SEL1L3: variants seen among roughly 807,000 people sequenced by gnomAD.
The protein encoded by SEL1L3 is protein sel-1 homolog 3.
In SEL1L3, 76 loss-of-function variants were observed where a neutral mutation model predicts 142.8. The observed-to-expected ratio is 0.53, with a 90% CI of 0.44 to 0.64. The LOEUF (loss-of-function observed/expected upper bound fraction) is 0.64, where lower values mean the gene tolerates loss of function less well. Among genes scored for constraint, SEL1L3 ranks in the 30% least tolerant of loss-of-function variants. SEL1L3 has a pLI of 0.00. For synonymous variants in SEL1L3, 504 were observed against 519.6 expected (o/e 0.97, Z 0.41); for missense variants, 1,262 against 1,381.7 (o/e 0.91, Z 1.37).
At chr4:25,821,872 TCTGATGA>T in intron 7 of SEL1L3, 117 bp downstream of exon 7, 3 of 971,728 alleles carry the variant, frequency 3.1e-6, no homozygotes, top group Non-Finnish European at 4.5e-6. Context: ...ATTAATGATG[TCTGATGA>T]CAGAGGCGAT....
chr4:25,801,917 G>A (rs917648746), intron 11 of SEL1L3, among the ~76,000 whole-genome samples: 5 of 152,250 alleles, frequency 3.3e-5, no homozygotes, highest in African/African-American at 7.2e-5. Context: ...ATTTGACCCA[G>A]TCCCACCTAA....
intron 12 of SEL1L3, among the ~76,000 whole-genome samples, chr4:25,789,755 TC>T (rs1471948443): frequency 6.6e-6 from 1 of 151,992 alleles, no homozygotes; most frequent in Admixed American, 6.5e-5. Flanking sequence ...ACTAAATCCT[TC>T]CTATGGGAAG....
At chr4:25,832,962 G>GT (rs745852767) in intron 5 of SEL1L3, 33 bp downstream of exon 5, 17 of 1,302,374 alleles carry the variant, frequency 1.3e-5, no homozygotes, top group Admixed American at 1.7e-5. Context: ...GAAAATGCTC[G>GT]TATGTCGTGT....
intron 9 of SEL1L3, among the ~76,000 whole-genome samples, chr4:25,811,972 C>CGTAAG (rs1714065170): frequency 6.6e-6 from 1 of 152,170 alleles, no homozygotes; most frequent in Non-Finnish European, 1.5e-5. Flanking sequence ...TAGAGCTCAT[C>CGTAAG]TTACTCTGCC....
the SEL1L3 span, among the ~76,000 whole-genome samples, chr4:25,735,977 C>A: frequency 6.6e-6 from 1 of 150,920 alleles, no homozygotes. Flanking sequence ...CTGCAGGCGC[C>A]CGCCACCACG....
At chr4:25,844,043 C>T (rs934695731) in intron 2 of SEL1L3, among the ~76,000 whole-genome samples, 12 of 152,242 alleles carry the variant, frequency 7.9e-5, no homozygotes, top group Admixed American at 7.2e-4. Flanking sequence ...CATCGTAGGA[C>T]ACCAGGCACT....
At chr4:25,756,909 C>G in intron 23 of SEL1L3, 1 of 1,280,308 alleles carries the variant, frequency 7.8e-7, no homozygotes, top group Non-Finnish European at 1.0e-6. Flanking sequence ...AGGCAGAATT[C>G]TGACAGATAA....
At chr4:25,821,109 C>G (rs1714722403) in intron 7 of SEL1L3, among the ~76,000 whole-genome samples, 1 of 152,210 alleles carries the variant, frequency 6.6e-6, no homozygotes, top group South Asian at 2.1e-4. Flanking sequence ...ACACCTAGTT[C>G]AAAGCCTGGC....
downstream of SEL1L3, among the ~76,000 whole-genome samples, chr4:25,746,467 C>T (rs1266650641): frequency 1.5e-5 from 2 of 134,824 alleles, no homozygotes; most frequent in African/African-American, 5.9e-5. Context: ...CGAGATCGTG[C>T]CACTGCACTC....
chr4:25,797,920 C>T (rs1190720001), intron 11 of SEL1L3, among the ~76,000 whole-genome samples: 1 of 152,078 alleles, frequency 6.6e-6, no homozygotes, highest in African/African-American at 2.4e-5. Flanking sequence ...GACGGTGGCA[C>T]AGCAAGGAGA....
At chr4:25,757,928 A>G in intron 21 of SEL1L3, 138 bp from the exon 22 acceptor site, 1 of 648,358 alleles carries the variant, frequency 1.5e-6, no homozygotes, top group Non-Finnish European at 2.8e-6. Flanking sequence ...AAGATGAGAG[A>G]CAAAGAAATA....
At chr4:25,836,672 T>C (rs1046179864) in intron 2 of SEL1L3, among the ~76,000 whole-genome samples, 1 of 152,094 alleles carries the variant, frequency 6.6e-6, no homozygotes, top group Non-Finnish European at 1.5e-5. Context: ...GATACTTTTC[T>C]TCTGCTTAAA....
chr4:25,758,753 A>G (rs563531429), intron 21 of SEL1L3, among the ~76,000 whole-genome samples, 188 bp downstream of exon 21: 2 of 150,576 alleles, frequency 1.3e-5, no homozygotes, highest in Non-Finnish European at 2.9e-5. Context: ...ACCTCAAGTG[A>G]TCTGCCCGCC....
At chr4:25,856,966 CAT>C (rs1453798387) in intron 1 of SEL1L3, among the ~76,000 whole-genome samples, 1 of 152,206 alleles carries the variant, frequency 6.6e-6, no homozygotes, top group African/African-American at 2.4e-5. Context: ...GGCATGTACA[CAT>C]GTCTGTGGGT....
At chr4:25,863,343 CCT>C (rs772712404), upstream of SEL1L3, 98 of 626,570 alleles carry the variant, frequency 1.6e-4, no homozygotes, top group Non-Finnish European at 2.6e-4. Context: ...TCCCAAACCC[CCT>C]CTCTTTTTCA....
At chr4:25,763,493 A>G (rs1404461992) in intron 20 of SEL1L3, among the ~76,000 whole-genome samples, 1 of 152,176 alleles carries the variant, frequency 6.6e-6, no homozygotes, top group African/African-American at 2.4e-5. Context: ...GAGATGTGGG[A>G]TTTTAACCCA....
chr4:25,792,282 A>C (rs1712395275), intron 11 of SEL1L3, among the ~76,000 whole-genome samples: 2 of 152,188 alleles, frequency 1.3e-5, no homozygotes, highest in Admixed American at 1.3e-4. Flanking sequence ...GCCAAGAAAC[A>C]GGCTCAGAGG....
intron 2 of SEL1L3, among the ~76,000 whole-genome samples, chr4:25,837,065 C>T (rs936187619): frequency 2.0e-5 from 3 of 152,014 alleles, no homozygotes; most frequent in African/African-American, 7.3e-5. Context: ...TCAACAGAAG[C>T]ACTTGAAACC....
At chr4:25,783,487 C>T (rs1322598571) in intron 14 of SEL1L3, among the ~76,000 whole-genome samples, 1 of 152,214 alleles carries the variant, frequency 6.6e-6, no homozygotes, top group African/African-American at 2.4e-5. Flanking sequence ...CATCCAGCTG[C>T]CAAAAGGGCT....
Sources: gnomAD v4.1 joint callset for allele counts (sites outside exome capture counted in the v4.1 genomes callset) on GRCh38, gnomAD v4.1.1 for gene constraint, MANE v1.5 for transcripts, NCBI Gene and HGNC (gene_info 2026-07-23, HGNC 2026-07-21) for gene names.